Variants in PLXDC2 observed in about 807,000 individuals in gnomAD.
PLXDC2 encodes the protein plexin domain containing 2, also known as plexin domain-containing protein 2.
A neutral mutation model predicts 68.9 loss-of-function variants in PLXDC2; 40 were observed. That is an observed-to-expected ratio of 0.58 (90% CI 0.45 to 0.76). The LOEUF is 0.76. Ranked by LOEUF, PLXDC2 falls within the 30% of genes least tolerant of loss-of-function variation. PLXDC2 has a pLI of 0.00. For synonymous variants in PLXDC2, 243 were observed against 234.2 expected (o/e 1.04, Z -0.34); for missense variants, 644 against 661.9 (o/e 0.97, Z 0.30).
intron 2 of PLXDC2, among the ~76,000 whole-genome samples, chr10:20,031,265 G>T (rs1480731041): frequency 6.6e-6 from 1 of 151,920 alleles, no homozygotes. Flanking sequence ...AGCTACTCAG[G>T]AGGCTAAAGT....
intron 4 of PLXDC2, among the ~76,000 whole-genome samples, chr10:20,078,736 G>C (rs1244693156): frequency 2.0e-5 from 3 of 152,010 alleles, no homozygotes; most frequent in African/African-American, 7.3e-5. Context: ...TAATTATAAG[G>C]AGTGAGTAGA....
intron 3 of PLXDC2, among the ~76,000 whole-genome samples, chr10:20,058,282 G>A (rs1394250801): frequency 2.0e-5 from 3 of 152,070 alleles, no homozygotes; most frequent in Admixed American, 6.5e-5. Flanking sequence ...TGTTAGGAAC[G>A]TTTCATCCTA....
chr10:19,821,856 T>C (rs1350079048), intron 1 of PLXDC2, among the ~76,000 whole-genome samples: 1 of 152,240 alleles, frequency 6.6e-6, no homozygotes, highest in African/African-American at 2.4e-5. Context: ...TCCTGCTGGT[T>C]TCTGAGTGAA....
chr10:20,151,200 A>C (rs930387261), intron 6 of PLXDC2, among the ~76,000 whole-genome samples: 1 of 152,142 alleles, frequency 6.6e-6, no homozygotes, highest in Admixed American at 6.5e-5. Context: ...GTCCCCTTGC[A>C]TTTGAGGTGA....
chr10:20,027,844 A>G (rs1835429030), intron 2 of PLXDC2, among the ~76,000 whole-genome samples: 1 of 152,192 alleles, frequency 6.6e-6, no homozygotes, highest in Non-Finnish European at 1.5e-5. Flanking sequence ...ATATCCATTA[A>G]GGAAGAGAAA....
chr10:20,064,565 T>C (rs1836168384), intron 3 of PLXDC2, among the ~76,000 whole-genome samples: 1 of 152,178 alleles, frequency 6.6e-6, no homozygotes, highest in Non-Finnish European at 1.5e-5. Flanking sequence ...AAGAGTCCTT[T>C]GTTTTATATA....
intron 2 of PLXDC2, among the ~76,000 whole-genome samples, chr10:20,040,963 T>C (rs1167197400): frequency 6.6e-6 from 1 of 152,186 alleles, no homozygotes; most frequent in African/African-American, 2.4e-5. Context: ...TATGAAACAT[T>C]AGATAGTTAT....
chr10:20,209,054 C>CG (rs1367269822), intron 9 of PLXDC2, among the ~76,000 whole-genome samples: 1 of 151,982 alleles, frequency 6.6e-6, no homozygotes, highest in Non-Finnish European at 1.5e-5. Context: ...GACCACAGGA[C>CG]GGGGGCGAAA....
At chr10:20,171,521 G>A (rs935011137) in intron 7 of PLXDC2, among the ~76,000 whole-genome samples, 1 of 152,048 alleles carries the variant, frequency 6.6e-6, no homozygotes, top group African/African-American at 2.4e-5. Context: ...CCAAGAAAGA[G>A]AGCATTGTAC....
At chr10:19,970,249 ATTGT>A (rs1414013878) in intron 1 of PLXDC2, among the ~76,000 whole-genome samples, 1 of 152,198 alleles carries the variant, frequency 6.6e-6, no homozygotes, top group African/African-American at 2.4e-5. Flanking sequence ...TGACTGATTT[ATTGT>A]TTGACAAAAA....
intron 13 of PLXDC2, among the ~76,000 whole-genome samples, chr10:20,257,801 CTTT>C (rs937299114): frequency 6.6e-6 from 1 of 151,852 alleles, no homozygotes; most frequent in African/African-American, 2.4e-5. Context: ...TCACAAATTT[CTTT>C]TTTAATTTTT....
chr10:20,261,778 C>T (rs894085400), intron 13 of PLXDC2, among the ~76,000 whole-genome samples: 5 of 152,042 alleles, frequency 3.3e-5, no homozygotes, highest in African/African-American at 7.2e-5. Flanking sequence ...TGCTTGAACC[C>T]GGGAGGCGGA....
At chr10:20,069,121 G>T (rs1836273040) in intron 4 of PLXDC2, among the ~76,000 whole-genome samples, 1 of 152,110 alleles carries the variant, frequency 6.6e-6, no homozygotes, top group Non-Finnish European at 1.5e-5. Flanking sequence ...CTTACCAGGG[G>T]TCTTCTGGAT....
intron 9 of PLXDC2, among the ~76,000 whole-genome samples, chr10:20,192,802 A>G (rs193212117): frequency 2.0e-5 from 3 of 152,234 alleles, no homozygotes; most frequent in East Asian, 1.9e-4. Context: ...TAAGTTATCT[A>G]AAATAACAAA....
intron 1 of PLXDC2, among the ~76,000 whole-genome samples, chr10:19,948,465 C>T (rs1298192333): frequency 6.7e-6 from 1 of 149,642 alleles, no homozygotes; most frequent in Non-Finnish European, 1.5e-5. Flanking sequence ...TTCCATTCTA[C>T]TCTTACTCAG....
intron 12 of PLXDC2, among the ~76,000 whole-genome samples, chr10:20,226,363 T>C (rs1394177069): frequency 2.0e-5 from 3 of 152,250 alleles, no homozygotes; most frequent in East Asian, 1.9e-4. Context: ...ACACAATTCT[T>C]CTTTTTCCAG....
At chr10:19,841,671 A>G (rs1397971898) in intron 1 of PLXDC2, among the ~76,000 whole-genome samples, 1 of 151,946 alleles carries the variant, frequency 6.6e-6, no homozygotes, top group Non-Finnish European at 1.5e-5. Flanking sequence ...AAATGAGAAT[A>G]ATAAGAACCT....
chr10:20,254,562 A>C (rs1835718419), intron 13 of PLXDC2, among the ~76,000 whole-genome samples: 1 of 152,250 alleles, frequency 6.6e-6, no homozygotes, highest in African/African-American at 2.4e-5. Flanking sequence ...AAAATGATTC[A>C]TTGAAATAAA....
Position 20,282,060 on chromosome 10 carries a change from A to G in PLXDC2, c.*2241A>G, listed in dbSNP as rs986744282. The G allele has an allele frequency of 1.3e-5, 2 of 152,122 alleles. No homozygotes were observed. Among genetic ancestry groups the G allele is most frequent in the African/African-American group, 4.8e-5 (2 of 41,436 alleles). The allele number at this position is 152,122 out of a possible 1,614,324, so 9.4% of individuals were successfully genotyped here. A position where few individuals can be genotyped will look rare whatever the true frequency, so the allele number is the denominator to read the frequency against. Reference sequence around the variant, plus strand: ...ATTGATTCAAAACAATTTTGAATCAATTTTCTATTTTGATTCAAAACAATT... The same window carrying G: ...ATTGATTCAAAACAATTTTGAATCAGTTTTCTATTTTGATTCAAAACAATT... On this transcript the variant is annotated 3_prime_UTR_variant, in exon 14 of 14. Coordinates refer to ENST00000377252, the MANE Select transcript of PLXDC2 (RefSeq NM_032812.9).
Sources: gnomAD v4.1 joint callset for allele counts (sites outside exome capture counted in the v4.1 genomes callset) on GRCh38, gnomAD v4.1.1 for gene constraint, MANE v1.5 for transcripts, NCBI Gene and HGNC (gene_info 2026-07-23, HGNC 2026-07-21) for gene names.